LBP: variants seen among roughly 807,000 people sequenced by gnomAD.
LBP encodes the protein lipopolysaccharide binding protein.
LBP carries 53 observed loss-of-function variants against 56.6 expected under a neutral mutation model. The observed-to-expected ratio is 0.94, with a 90% CI of 0.75 to 1.18. LBP has a LOEUF of 1.18. Ranked by LOEUF, LBP falls within the 50% of genes most tolerant of loss-of-function variation. The pLI is 0.00. For synonymous variants in LBP, 227 were observed against 247.5 expected (o/e 0.92, Z 0.78); for missense variants, 601 against 598.3 (o/e 1.00, Z -0.05).
chr20:38,372,035 A>C (rs2122626915), intron 12 of LBP, among the ~76,000 whole-genome samples: 1 of 152,344 alleles, frequency 6.6e-6, no homozygotes, highest in South Asian at 2.1e-4. Flanking sequence ...TCAAAACAAG[A>C]GGGATTGAGT....
Position 38,354,414 on chromosome 20 carries a change from G to A in LBP, c.499G>A (p.Glu167Lys), listed in dbSNP as rs770900154. Residue 167 changes from glutamate to lysine, a missense_variant, in exon 4 of 15, where the codon GAG becomes AAG. By Grantham distance (56) the Glu-to-Lys change is moderately conservative. Coordinates refer to ENST00000217407, the MANE Select transcript of LBP (RefSeq NM_004139.5). ...CTGCAGCAGTGACATCGCTGACGTGGAGGTGGACATGTCGGGAGACTTGGG... is the reference window on the plus strand; with the variant it reads ...CTGCAGCAGTGACATCGCTGACGTGAAGGTGGACATGTCGGGAGACTTGGG... ...SSCSSDIADVEVDMSGDLGWL... is the reference protein window; with the variant it reads ...SSCSSDIADVKVDMSGDLGWL... 6.2e-7 allele frequency: 1 copy of A among 1,612,982 alleles called. No individual in the cohort carries two copies. Among genetic ancestry groups the A allele is most frequent in the South Asian group, 1.1e-5 (1 of 91,008 alleles).
chr20:38,350,913 C>T lies in LBP; in HGVS notation c.342C>T (p.Gly114=), dbSNP rs1814131001. The stretch of plus-strand genomic sequence containing the variant: ...CCGACTCCTCCATCCGGGTCCAGGG[C>T]AGGTGGAAGGTGCGCAAGTCATTCT... ...SISDSSIRVQ[G]RWKVRKSFFK... is the part of the protein sequence containing the mutation. The change falls in exon 3 of 15, where the codon GGC becomes GGT. Residue 114 remains glycine, a synonymous_variant. Transcript: ENST00000217407. 15 of 1,614,042 alleles carry T rather than the reference C, an allele frequency of 9.3e-6. No individual in the cohort carries two copies. The highest frequency in any genetic ancestry group is 1.2e-5 in the Non-Finnish European group (14 of 1,179,964).
intron 6 of LBP, among the ~76,000 whole-genome samples, chr20:38,363,625 C>G (rs2076869661): frequency 6.6e-6 from 1 of 152,172 alleles, no homozygotes; most frequent in African/African-American, 2.4e-5. Context: ...TCTGGGCCCT[C>G]TGGACATGCC....
chr20:38,376,695 T>A lies in LBP; in HGVS notation c.*26T>A. On this transcript the variant is annotated 3_prime_UTR_variant, in exon 15 of 15. Coordinates refer to ENST00000217407, the MANE Select transcript of LBP (RefSeq NM_004139.5). ...GGACAAGAAAGATGAAGCTTGGAGGTCACAGCTGGATCTGCTTGTTGCATT... is the reference window on the plus strand; with the variant it reads ...GGACAAGAAAGATGAAGCTTGGAGGACACAGCTGGATCTGCTTGTTGCATT... 1 of 1,604,022 alleles carries A rather than the reference T, an allele frequency of 6.2e-7. No homozygotes were observed. Among genetic ancestry groups the A allele is most frequent in the Non-Finnish European group, 8.5e-7 (1 of 1,170,910 alleles).
chr20:38,371,380 A>G (rs113435348), intron 12 of LBP, 58 bp downstream of exon 12: 8 of 1,274,464 alleles, frequency 6.3e-6, no homozygotes, highest in Non-Finnish European at 9.1e-6. Context: ...GGTGTTTCCT[A>G]AGCAATTGCT....
chr20:38,365,863 T>C (rs181695299), intron 8 of LBP, among the ~76,000 whole-genome samples: 187 of 151,838 alleles, frequency 1.2e-3, no homozygotes, highest in African/African-American at 4.2e-3. Flanking sequence ...AGCCCTTAAA[T>C]TAATTTCTTT....
chr20:38,375,157 T>A lies in LBP; in HGVS notation c.1401+1144T>A, dbSNP rs1035661707. 2.7e-5 allele frequency among the ~76,000 whole-genome samples: 4 copies of A among 149,340 alleles called. No homozygotes were observed. The East Asian group carries it at 7.7e-4, about 29-fold the overall frequency. ...CTATTGCTCCACTACAAGCACAGTT[T>A]GAATTTTGGTGTACTTCTAGTGCTT... On this transcript the variant is annotated intron_variant, in intron 14 of 14. Transcript: ENST00000217407.
At position 38,376,978 on chromosome 20, in the gene LBP, TTAG is replaced by T; in HGVS notation, c.*313_*315del. ...CCCATGCCTAGCAGAGTGCTGGCAC[TTAG>T]TAGGTCCTCAATAAATATTTATTAA... On this transcript the variant is annotated 3_prime_UTR_variant, in exon 15 of 15. Coordinates refer to ENST00000217407, the MANE Select transcript of LBP (RefSeq NM_004139.5). 1 of 540,080 alleles carries T rather than the reference TTAG, an allele frequency of 1.9e-6. No individual in the cohort carries two copies. Among genetic ancestry groups the T allele is most frequent in the Non-Finnish European group, 3.6e-6 (1 of 281,560 alleles). 33.5% of individuals were successfully genotyped at this position (540,080 alleles called of 1,614,324 possible). A position where few individuals can be genotyped will look rare whatever the true frequency, so the allele number is the denominator to read the frequency against.
Position 38,354,319 on chromosome 20 carries a change from G to C in LBP, c.404G>C (p.Gly135Ala). Residue 135 changes from glycine (G) to alanine (A), a missense_variant, in exon 4 of 15, where the codon GGC (glycine) becomes GCC (alanine). Gly to Ala is a moderately conservative substitution (Grantham distance 60). Transcript: ENST00000217407. ...LQGSFDVSVK[G>A]ISISVNLLLG... The stretch of plus-strand genomic sequence containing the variant: ...GGCTCCTTTGATGTCAGTGTCAAGG[G>C]CATCAGCATTTCGGTCAACCTCCTG... 2 of 1,613,766 alleles carry C rather than the reference G, an allele frequency of 1.2e-6. No individual in the cohort carries two copies. Among genetic ancestry groups the C allele is most frequent in the Non-Finnish European group, 1.7e-6 (2 of 1,179,906 alleles).
At chr20:38,352,854 AT>A (rs1449099805) in intron 3 of LBP, among the ~76,000 whole-genome samples, 11 of 152,018 alleles carry the variant, frequency 7.2e-5, no homozygotes, top group Non-Finnish European at 1.6e-4. Flanking sequence ...TCTCATTAAT[AT>A]TTTTTATATT....
At chr20:38,367,115 T>C (rs1247968308) in intron 9 of LBP, among the ~76,000 whole-genome samples, 1 of 152,132 alleles carries the variant, frequency 6.6e-6, no homozygotes, top group Non-Finnish European at 1.5e-5. Context: ...AGCTAACAAT[T>C]ACAGGGGGCT....
At chr20:38,354,518 A>G in intron 4 of LBP, 79 bp downstream of exon 4, 4 of 1,331,900 alleles carry the variant, frequency 3.0e-6, no homozygotes, top group Non-Finnish European at 4.1e-6. Flanking sequence ...CTGGCCTCCG[A>G]TAATTGCAAT....
At chr20:38,364,870 C>T in intron 8 of LBP, 118 bp downstream of exon 8, 1 of 931,390 alleles carries the variant, frequency 1.1e-6, no homozygotes, top group Non-Finnish European at 1.6e-6. Flanking sequence ...AGAGAAAAAT[C>T]AACACCAAGA....
intron 5 of LBP, among the ~76,000 whole-genome samples, chr20:38,358,698 C>A (rs6127849): frequency 6.6e-6 from 1 of 152,158 alleles, no homozygotes. Flanking sequence ...AGCAACCCAG[C>A]GTCTGATGGA....
chr20:38,372,479 G>T (rs2076903959), intron 12 of LBP, among the ~76,000 whole-genome samples: 2 of 152,126 alleles, frequency 1.3e-5, no homozygotes, highest in Non-Finnish European at 2.9e-5. Context: ...CATCCTGTCG[G>T]GTTTTCAGAG....
chr20:38,360,926 G>A (rs1022804445), intron 6 of LBP, among the ~76,000 whole-genome samples, 159 bp downstream of exon 6: 4 of 152,152 alleles, frequency 2.6e-5, no homozygotes, highest in African/African-American at 9.7e-5. Context: ...AGTCTGGGAG[G>A]CCGAGGCGGG....
intron 12 of LBP, 66 bp downstream of exon 12, chr20:38,371,388 G>A: frequency 8.5e-7 from 1 of 1,176,006 alleles, no homozygotes; most frequent in Admixed American, 1.8e-5. Context: ...CTAAGCAATT[G>A]CTATGGCACC....
intron 10 of LBP, 25 bp from the exon 11 acceptor site, chr20:38,370,713 T>C (rs752860755): frequency 6.2e-7 from 1 of 1,606,986 alleles, no homozygotes; most frequent in South Asian, 1.1e-5. Context: ...CACTTACACC[T>C]GCTTCCTTCT....
At chr20:38,353,611 A>AAT in intron 3 of LBP, among the ~76,000 whole-genome samples, 1 of 150,228 alleles carries the variant, frequency 6.7e-6, no homozygotes, top group African/African-American at 2.5e-5. Flanking sequence ...TGGGCCAAAG[A>AAT]GTATGTATGT....
Sources: allele counts gnomAD v4.1 joint callset (sites outside exome capture counted in the v4.1 genomes callset), GRCh38; gene constraint gnomAD v4.1.1; transcripts MANE v1.5; gene names NCBI Gene and HGNC (gene_info 2026-07-23, HGNC 2026-07-21).